The following CAMK1D variants were observed in gnomAD, a reference collection of about 807,000 sequenced individuals.
The protein encoded by CAMK1D is calcium/calmodulin-dependent protein kinase type 1D.
Under a neutral mutation model 47.7 loss-of-function variants are expected in CAMK1D, and 9 were observed. The ratio of observed to expected loss-of-function variants is 0.19; its 90% CI spans 0.11 to 0.33. The LOEUF (loss-of-function observed/expected upper bound fraction) is 0.33. CAMK1D is among the 10% of genes least tolerant of loss of function. The probability of loss-of-function intolerance (pLI) is 1.00; values close to 1 mark genes in which losing one functional copy is unlikely to be tolerated. For synonymous variants in CAMK1D, 184 were observed against 184.9 expected, an observed-to-expected ratio of 0.99 and a Z score of 0.04; for missense variants, 291 against 488.7, an observed-to-expected ratio of 0.60 and a Z score of 3.81.
intron 1 of CAMK1D, among the ~76,000 whole-genome samples, chr10:12,456,014 A>G (rs996762400): frequency 1.3e-5 from 2 of 152,224 alleles, no homozygotes; most frequent in Admixed American, 6.5e-5. Context: ...TGAGATTCTC[A>G]TGTGAAAGTA....
chr10:12,375,883 C>T (rs1033006943), intron 1 of CAMK1D, among the ~76,000 whole-genome samples: 1 of 152,106 alleles, frequency 6.6e-6, no homozygotes, highest in Non-Finnish European at 1.5e-5. Context: ...GAGCATGCAG[C>T]CGGGCACGGT....
intron 2 of CAMK1D, among the ~76,000 whole-genome samples, chr10:12,604,124 T>C (rs1011134438): frequency 2.6e-5 from 4 of 152,130 alleles, no homozygotes; most frequent in African/African-American, 4.8e-5. Context: ...TAAATACTTA[T>C]CTGTCTGCAT....
intron 2 of CAMK1D, among the ~76,000 whole-genome samples, chr10:12,641,533 A>G (rs1839665326): frequency 6.6e-6 from 1 of 151,636 alleles, no homozygotes; most frequent in African/African-American, 2.4e-5. Context: ...TGGGAGGATC[A>G]TCTGAGCCTG....
chr10:12,622,676 A>G (rs1178253944), intron 2 of CAMK1D, among the ~76,000 whole-genome samples: 8 of 152,088 alleles, frequency 5.3e-5, no homozygotes, highest in Admixed American at 5.2e-4. Flanking sequence ...TCCTTAATCC[A>G]TGTGCTCTTG....
intron 2 of CAMK1D, among the ~76,000 whole-genome samples, chr10:12,622,225 G>A (rs1839020809): frequency 6.6e-6 from 1 of 152,170 alleles, no homozygotes; most frequent in Non-Finnish European, 1.5e-5. Flanking sequence ...GCTGGTGGTG[G>A]TGGGCCATAT....
chr10:12,548,327 A>G (rs1836464057), intron 1 of CAMK1D, among the ~76,000 whole-genome samples: 1 of 151,854 alleles, frequency 6.6e-6, no homozygotes, highest in Admixed American at 6.6e-5. Flanking sequence ...GAAAAGGTTT[A>G]TCTAGTTTTT....
intron 2 of CAMK1D, among the ~76,000 whole-genome samples, chr10:12,594,812 T>G (rs2132371738): frequency 6.6e-6 from 1 of 152,296 alleles, no homozygotes; most frequent in Non-Finnish European, 1.5e-5. Flanking sequence ...CTGCTCGGCC[T>G]CATGCGGTGT....
At chr10:12,356,210 C>T (rs1314035158) in intron 1 of CAMK1D, among the ~76,000 whole-genome samples, 2 of 151,974 alleles carry the variant, frequency 1.3e-5, no homozygotes, top group African/African-American at 4.8e-5. Flanking sequence ...CTCACCTGGC[C>T]GAATTCCGGA....
intron 2 of CAMK1D, among the ~76,000 whole-genome samples, chr10:12,609,126 C>T (rs938561208): frequency 1.2e-4 from 18 of 152,184 alleles, no homozygotes; most frequent in African/African-American, 4.1e-4. Context: ...ACTGTAAAAA[C>T]GGGCATTACC....
intron 3 of CAMK1D, among the ~76,000 whole-genome samples, chr10:12,678,122 T>A (rs1840873633): frequency 6.6e-6 from 1 of 152,194 alleles, no homozygotes; most frequent in Non-Finnish European, 1.5e-5. Flanking sequence ...AGGTCTTCTT[T>A]TTTAATGTAA....
At chr10:12,750,400 G>A (rs1464364527) in intron 3 of CAMK1D, among the ~76,000 whole-genome samples, 1 of 152,156 alleles carries the variant, frequency 6.6e-6, no homozygotes, top group Non-Finnish European at 1.5e-5. Flanking sequence ...GCGCTGAAGG[G>A]TTCTTTTGTT....
rs377107616 is a variant in CAMK1D at position 12,519,122 on chromosome 10, C to T, written c.93-34103C>T. 5.5e-3 allele frequency among the ~76,000 whole-genome samples: 506 copies of T among 91,712 alleles called. 8 individuals carry two copies. The highest frequency in any genetic ancestry group is 0.032 in the East Asian group (99 of 3,118). 60.2% of individuals were successfully genotyped at this position (91,712 alleles called of 152,430 possible). A position where few individuals can be genotyped will look rare whatever the true frequency, so the allele number is the denominator to read the frequency against. On this transcript the variant is annotated intron_variant, in intron 1 of 10. Transcript: ENST00000619168. ...GCGGCTGGCCGGGCGGGGGGCTGAC[C>T]CCCCCACCACCCTCCCGGACAGGGC...
Position 12,468,154 on chromosome 10 carries a change from C to T in CAMK1D, c.93-85071C>T, listed in dbSNP as rs544446680. The stretch of plus-strand genomic sequence containing the variant: ...CACTGCAGCCTTGACCTCCTGGGCT[C>T]AAGTGATCCTCCCGCCTCAGCTTCC... On this transcript the variant is annotated intron_variant, in intron 1 of 10. Transcript: ENST00000619168. Among the ~76,000 whole-genome samples, 4 of 152,350 alleles carry T rather than the reference C, an allele frequency of 2.6e-5. No homozygotes were observed. The South Asian group carries it at 8.3e-4, about 32-fold the overall frequency.
intron 2 of CAMK1D, among the ~76,000 whole-genome samples, chr10:12,567,799 C>T (rs907134308): frequency 2.6e-5 from 4 of 152,252 alleles, no homozygotes; most frequent in East Asian, 1.9e-4. Flanking sequence ...GGTACAGCAA[C>T]GGGGTGGGCA....
chr10:12,630,563 T>G (rs956515838), intron 2 of CAMK1D, among the ~76,000 whole-genome samples: 39 of 151,896 alleles, frequency 2.6e-4, no homozygotes, highest in African/African-American at 9.2e-4. Context: ...TTTTATTTTG[T>G]TTTGCTTTGT....
intron 1 of CAMK1D, among the ~76,000 whole-genome samples, chr10:12,381,945 C>CTATATATA (rs1253486007): frequency 2.0e-5 from 3 of 152,068 alleles, no homozygotes; most frequent in African/African-American, 7.2e-5. Context: ...AACTGTTTTG[C>CTATATATA]TATATACTCA....
intron 5 of CAMK1D, among the ~76,000 whole-genome samples, chr10:12,787,706 A>G (rs189127968): frequency 6.2e-4 from 94 of 152,346 alleles, no homozygotes; most frequent in African/African-American, 2.2e-3. Context: ...AGCACAATTA[A>G]GAAGGTCACC....
At chr10:12,569,709 C>A (rs74819819) in intron 2 of CAMK1D, among the ~76,000 whole-genome samples, 3 of 112,444 alleles carry the variant, frequency 2.7e-5, no homozygotes, top group African/African-American at 1.1e-4. Context: ...GGTGACAGAA[C>A]GAGACTCCGT....
At chr10:12,820,515 G>T (rs1832977381) in intron 8 of CAMK1D, among the ~76,000 whole-genome samples, 1 of 152,216 alleles carries the variant, frequency 6.6e-6, no homozygotes, top group Admixed American at 6.5e-5. Context: ...CATTCCTCCA[G>T]GCGGCCCCTC....
Sources: allele counts gnomAD v4.1 joint callset (sites outside exome capture counted in the v4.1 genomes callset), GRCh38; gene constraint gnomAD v4.1.1; transcripts MANE v1.5; gene names NCBI Gene and HGNC (gene_info 2026-07-23, HGNC 2026-07-21).